The following LCK variants were observed in gnomAD, a reference collection of about 807,000 sequenced individuals.
LCK encodes tyrosine-protein kinase Lck.
LCK carries 14 observed loss-of-function variants against 64.6 expected under a neutral mutation model. The observed-to-expected ratio is 0.22, with a 90% CI of 0.14 to 0.34. The LOEUF (loss-of-function observed/expected upper bound fraction) is 0.34. LCK is among the 10% of genes least tolerant of loss of function. The probability of loss-of-function intolerance (pLI) is 1.00; values close to 1 mark genes in which losing one functional copy is unlikely to be tolerated. For synonymous variants in LCK, 277 were observed against 263.6 expected, an observed-to-expected ratio of 1.05 and a Z score of -0.49; for missense variants, 434 against 668.1, an observed-to-expected ratio of 0.65 and a Z score of 3.86.
Position 32,275,083 on chromosome 1 carries a change from A to G in LCK, c.278A>G (p.Gln93Arg), listed in dbSNP as rs1231588809. ...GGGGAACAGCTCCGCATCCTGGAGC[A>G]GTGAGTCCCTCTCCACCTTGCTCTG... ...EKGEQLRILE[Q>R]SGEWWKAQSL... The change falls in exon 4 of 13, where the codon CAG (glutamine) becomes CGG (arginine). Residue 93 changes from glutamine to arginine, a missense_variant and splice_region_variant. Around this residue, in one of 2 missense-constraint regions of LCK, gnomAD observed 233 missense variants for 291.2 expected, o/e 0.80. Transcript: ENST00000336890. The surrounding 1 kb of genome is among the most constrained non-coding windows in gnomAD (Gnocchi z 6.9). 1 of 1,608,106 alleles carries G rather than the reference A, an allele frequency of 6.2e-7. No individual in the cohort carries two copies. The highest frequency in any genetic ancestry group is 8.5e-7 in the Non-Finnish European group (1 of 1,175,432).
intron 12 of LCK, among the ~76,000 whole-genome samples, chr1:32,281,530 C>G (rs535139300): frequency 2.0e-5 from 3 of 151,840 alleles, no homozygotes; most frequent in African/African-American, 7.2e-5. Flanking sequence ...GAGCCTGACT[C>G]ATAGTAGGTT....
At position 32,275,721 on chromosome 1, in the gene LCK, C is replaced by A; in HGVS notation, c.481+49C>A. Reference sequence around the variant, plus strand: ...GGGCGCGGGGGTGCCCCGGGGTGTGCCCGAGGGGGGGCGCAGGGTGAGCCC... The same window carrying A: ...GGGCGCGGGGGTGCCCCGGGGTGTGACCGAGGGGGGGCGCAGGGTGAGCCC... On this transcript the variant is annotated intron_variant, in intron 6 of 12. Coordinates refer to ENST00000336890, the MANE Select transcript of LCK (RefSeq NM_005356.5). This position sits in a 1 kb window ranked among gnomAD's most constrained non-coding sequence, Gnocchi z 6.9. 6.7e-7 allele frequency: 1 copy of A among 1,497,894 alleles called. No homozygotes were observed. Among genetic ancestry groups the A allele is most frequent in the East Asian group, 2.4e-5 (1 of 41,474 alleles). The allele number at this position is 1,497,894 out of a possible 1,614,324, so 92.8% of individuals were successfully genotyped here. A position where few individuals can be genotyped will look rare whatever the true frequency, so the allele number is the denominator to read the frequency against.
chr1:32,274,745 C>T lies in LCK; in HGVS notation c.114C>T (p.Ile38=). The change falls in exon 3 of 13, where the codon ATC becomes ATT. Residue 38 remains isoleucine, a synonymous_variant. Transcript: ENST00000336890. ...CATCCCCCACTCCACAGCTGCTCAT[C>T]CGAAATGGCTCTGAGGTGCGGGACC... is the stretch of plus-strand genomic sequence containing the variant. The part of the protein sequence containing the change: ...VPLDGKGTLL[I]RNGSEVRDPL... The T allele has an allele frequency of 6.3e-7, 1 of 1,587,764 alleles. No homozygotes were observed. The highest frequency in any genetic ancestry group is 8.6e-7 in the Non-Finnish European group (1 of 1,164,638).
intron 1 of LCK, among the ~76,000 whole-genome samples, chr1:32,267,230 A>C (rs528042901): frequency 6.6e-6 from 1 of 152,180 alleles, no homozygotes; most frequent in South Asian, 2.1e-4. Context: ...AGGATTTCCC[A>C]AATGTCCACC....
At chr1:32,265,067 C>T (rs1330207548) in intron 1 of LCK, among the ~76,000 whole-genome samples, 1 of 151,876 alleles carries the variant, frequency 6.6e-6, no homozygotes, top group African/African-American at 2.4e-5. Flanking sequence ...ATTAGCTGGG[C>T]GTGGCGGCAC....
Position 32,276,256 on chromosome 1 carries a change from G to A in LCK, c.632-81G>A, listed in dbSNP as rs1452288100. ...CTTGCTAGTCCACTTCACCTAGATG[G>A]GGGCTTGGAGAAGTGGGGGAGGTGG... On this transcript the variant is annotated intron_variant, in intron 7 of 12. Coordinates refer to ENST00000336890, the MANE Select transcript of LCK (RefSeq NM_005356.5). The surrounding 1 kb of genome is among the most constrained non-coding windows in gnomAD (Gnocchi z 4.6). The A allele has an allele frequency of 6.7e-7, 1 of 1,501,944 alleles. No homozygotes were observed. The highest frequency in any genetic ancestry group is 8.9e-7 in the Non-Finnish European group (1 of 1,126,900). 93.0% of individuals were successfully genotyped at this position (1,501,944 alleles called of 1,614,324 possible).
intron 1 of LCK, among the ~76,000 whole-genome samples, chr1:32,260,415 C>T (rs1361159285): frequency 2.0e-5 from 3 of 152,090 alleles, no homozygotes; most frequent in Non-Finnish European, 2.9e-5. Context: ...GGATTACAGG[C>T]GTGAGCCTCC....
In LCK at chr1:32,276,026, T is replaced by C; in HGVS notation, c.594T>C (p.Thr198=). The part of the protein sequence containing the change: ...NGGFYISPRI[T]FPGLHELVRH... ...GCTTCTACATCTCCCCTCGAATCAC[T>C]TTTCCCGGCCTGCATGAACTGGTCC... The change falls in exon 7 of 13, where the codon ACT becomes ACC. Residue 198 remains threonine, a synonymous_variant. Coordinates refer to ENST00000336890, the MANE Select transcript of LCK (RefSeq NM_005356.5). This position sits in a 1 kb window ranked among gnomAD's most constrained non-coding sequence, Gnocchi z 4.6. 1 of 1,614,080 alleles carries C rather than the reference T, an allele frequency of 6.2e-7. No individual in the cohort carries two copies. The highest frequency in any genetic ancestry group is 8.5e-7 in the Non-Finnish European group (1 of 1,179,978).
chr1:32,285,389 T>C (rs1020250871), intron 12 of LCK, 125 bp from the exon 13 acceptor site: 17 of 842,434 alleles, frequency 2.0e-5, no homozygotes, highest in Middle Eastern at 2.7e-4. Context: ...GACCTTACCA[T>C]TGATGAAGAC....
intron 1 of LCK, among the ~76,000 whole-genome samples, chr1:32,273,266 C>T (rs913553489): frequency 3.0e-5 from 4 of 134,800 alleles, no homozygotes; most frequent in Non-Finnish European, 6.3e-5. Context: ...TGGGGGAGTA[C>T]CTGTGAGGGG....
At chr1:32,260,084 G>T (rs996529011) in intron 1 of LCK, among the ~76,000 whole-genome samples, 4 of 150,652 alleles carry the variant, frequency 2.7e-5, no homozygotes, top group African/African-American at 4.9e-5. Context: ...TTGCTCTGTC[G>T]CCACGCTGGA....
chr1:32,274,702 G>A, intron 2 of LCK, 35 bp from the exon 3 acceptor site: 2 of 1,515,328 alleles, frequency 1.3e-6, no homozygotes, highest in South Asian at 1.3e-5. Flanking sequence ...CCAATCTTCT[G>A]CTTTCTGACC....
At chr1:32,256,389 G>C (rs575067857) in intron 1 of LCK, among the ~76,000 whole-genome samples, 2 of 152,166 alleles carry the variant, frequency 1.3e-5, no homozygotes, top group East Asian at 3.9e-4. Flanking sequence ...CTGAGGTCAG[G>C]AGTTTGAAAC....
intron 9 of LCK, among the ~76,000 whole-genome samples, chr1:32,279,295 T>C (rs972232039): frequency 2.0e-5 from 3 of 152,114 alleles, no homozygotes; most frequent in Non-Finnish European, 4.4e-5. Context: ...GGCTTTGGGG[T>C]GAGAGCCTAG....
At position 32,270,977 on chromosome 1, in the gene LCK, C is replaced by G. The variant is rs891604919; in HGVS notation, c.-5-3348C>G. ...TTGGCCTCCCAAAGTGCTGGGATTA[C>G]AGGTGTGAGCCACCGCGCCTGGCCT... On this transcript the variant is annotated intron_variant, in intron 1 of 12. Coordinates refer to ENST00000336890, the MANE Select transcript of LCK (RefSeq NM_005356.5). Among the ~76,000 whole-genome samples, 11 of 149,432 alleles carry G rather than the reference C, an allele frequency of 7.4e-5. 1 individual carries two copies. Among genetic ancestry groups the G allele is most frequent in the Admixed American group, 6.7e-5 (1 of 14,938 alleles).
In LCK at chr1:32,276,331, TC is replaced by T. The variant is rs1640269902; in HGVS notation, c.632-5del. 4 of 1,564,368 alleles carry T rather than the reference TC, an allele frequency of 2.6e-6. No homozygotes were observed. The highest frequency in any genetic ancestry group is 3.5e-6 in the Non-Finnish European group (4 of 1,157,882). On this transcript the variant is annotated splice_polypyrimidine_tract_variant and splice_region_variant and intron_variant, in intron 7 of 12. Transcript: ENST00000336890. This position sits in a 1 kb window ranked among gnomAD's most constrained non-coding sequence, Gnocchi z 4.6. ...GACAGCCTTCACCCCTCCCTCGTCC[TC>T]GCAGATGCTTCAGATGGGCTGTGCA... is the stretch of plus-strand genomic sequence containing the variant.
At position 32,279,442 on chromosome 1, in the gene LCK, T is replaced by G. The variant is rs1640382167; in HGVS notation, c.965-229T>G. ...AGGATTCTAGGTTCTACCTTATTGG[T>G]GATGAAAAACCTACAGATCCCTCCC... On this transcript the variant is annotated intron_variant, in intron 9 of 12. Coordinates refer to ENST00000336890, the MANE Select transcript of LCK (RefSeq NM_005356.5). 3 of 655,218 alleles carry G rather than the reference T, an allele frequency of 4.6e-6. No individual in the cohort carries two copies. In the South Asian group the frequency reaches 6.1e-5, roughly 13 times the overall value. The allele number at this position is 655,218 out of a possible 1,614,324, so 40.6% of individuals were successfully genotyped here.
rs767961556 is a variant in LCK at position 32,276,354 on chromosome 1, T to C, written c.649T>C (p.Cys217Arg). Residue 217 changes from cysteine to arginine, a missense_variant, in exon 8 of 13, where the codon TGC (cysteine) becomes CGC (arginine). Cys to Arg is a radical substitution (Grantham distance 180). Coordinates refer to ENST00000336890, the MANE Select transcript of LCK (RefSeq NM_005356.5). This position sits in a 1 kb window ranked among gnomAD's most constrained non-coding sequence, Gnocchi z 4.6. Reference protein sequence around the residue: ...RHYTNASDGLCTRLSRPCQTQ... With the variant: ...RHYTNASDGLRTRLSRPCQTQ... ...CCTCGCAGATGCTTCAGATGGGCTG[T>C]GCACACGGTTGAGCCGCCCCTGCCA... 1 of 1,605,130 alleles carries C rather than the reference T, an allele frequency of 6.2e-7. No homozygotes were observed. The highest frequency in any genetic ancestry group is 8.5e-7 in the Non-Finnish European group (1 of 1,177,068).
intron 1 of LCK, among the ~76,000 whole-genome samples, chr1:32,259,289 T>A (rs376954921): frequency 3.2e-4 from 40 of 124,156 alleles, no homozygotes; most frequent in Admixed American, 6.1e-4. Flanking sequence ...GCTTCTCAGG[T>A]AAAAAAAAAA....
Sources: gnomAD v4.1 joint callset for allele counts (sites outside exome capture counted in the v4.1 genomes callset) on GRCh38, gnomAD v4.1.1 for gene constraint, gnomAD v4.1.1 regional missense constraint, Gnocchi (gnomAD v3.1) non-coding constraint, MANE v1.5 for transcripts, NCBI Gene and HGNC (gene_info 2026-07-23, HGNC 2026-07-21) for gene names.